The following RNF111 variants were observed in gnomAD, a reference collection of about 807,000 sequenced individuals.
The protein encoded by RNF111 is E3 ubiquitin-protein ligase Arkadia.
Under a neutral mutation model 95.1 loss-of-function variants are expected in RNF111, and 17 were observed. That is an observed-to-expected ratio of 0.18 (90% CI 0.12 to 0.27). The LOEUF is 0.27. RNF111 is among the 10% of genes least tolerant of loss of function. The probability of loss-of-function intolerance (pLI) is 1.00; values close to 1 mark genes in which losing one functional copy is unlikely to be tolerated. For missense variants in RNF111, 1,189 were observed against 1,210.4 expected (o/e 0.98, Z 0.26); for synonymous variants, 440 against 414.8 (o/e 1.06, Z -0.74).
intron 6 of RNF111, among the ~76,000 whole-genome samples, chr15:59,072,892 AAC>A (rs2043002165): frequency 6.6e-6 from 1 of 151,626 alleles, no homozygotes; most frequent in Non-Finnish European, 1.5e-5. Context: ...AAAAAAAAAA[AAC>A]AAAACACTTC....
chr15:59,026,459 A>T (rs931878692), intron 1 of RNF111, among the ~76,000 whole-genome samples: 1 of 152,228 alleles, frequency 6.6e-6, no homozygotes, highest in Non-Finnish European at 1.5e-5. Context: ...GTATTGAAAC[A>T]GTGTGTAACA....
Position 59,096,348 on chromosome 15 carries a change from A to G in RNF111, c.*1448A>G, listed in dbSNP as rs1357667134. On this transcript the variant is annotated 3_prime_UTR_variant, in exon 14 of 14. Coordinates refer to ENST00000348370, the MANE Select transcript of RNF111 (RefSeq NM_017610.8). ...TGTGGAGGACATGTTCCCATGGATC[A>G]TATGTGAAGATGTCAATAAGCTTGC... 2 of 328,592 alleles carry G rather than the reference A, an allele frequency of 6.1e-6. No homozygotes were observed. The highest frequency in any genetic ancestry group is 1.1e-5 in the Non-Finnish European group (2 of 182,662). The allele number at this position is 328,592 out of a possible 1,614,324, so 20.4% of individuals were successfully genotyped here. A position where few individuals can be genotyped will look rare whatever the true frequency, so the allele number is the denominator to read the frequency against.
chr15:59,015,718 C>T (rs1352802707), intron 1 of RNF111, among the ~76,000 whole-genome samples: 3 of 151,606 alleles, frequency 2.0e-5, no homozygotes, highest in Non-Finnish European at 2.9e-5. Context: ...GAATATTCTT[C>T]GCCCACCGTC....
intron 1 of RNF111, among the ~76,000 whole-genome samples, chr15:59,010,511 C>G (rs902466667): frequency 1.3e-5 from 2 of 152,094 alleles, no homozygotes; most frequent in Non-Finnish European, 2.9e-5. Context: ...AAGCGATTCT[C>G]CTGCCTCAGC....
chr15:58,989,231 G>T (rs1439520187), intron 1 of RNF111, among the ~76,000 whole-genome samples: 1 of 152,124 alleles, frequency 6.6e-6, no homozygotes, highest in Non-Finnish European at 1.5e-5. Context: ...TTTCACCCTA[G>T]TCTGGTTATA....
rs1475193227 is a variant in RNF111 at position 59,076,118 on chromosome 15, A to G, written c.1851A>G (p.Ser617=). The G allele has an allele frequency of 6.2e-7, 1 of 1,614,142 alleles. No homozygotes were observed. The highest frequency in any genetic ancestry group is 1.1e-5 in the South Asian group (1 of 91,082). ...CTGCCCCAAGTCAACCTTTATCATC[A>G]ATAGATGGCTATGGATCAAGCATGG... ...AAAAPSQPLS[S]IDGYGSSMVA... is the part of the protein sequence containing the mutation. The change falls in exon 7 of 14, where the codon TCA becomes TCG. Residue 617 remains serine (S), a synonymous_variant. Transcript: ENST00000348370.
chr15:59,034,492 G>A (rs763386018), intron 2 of RNF111, among the ~76,000 whole-genome samples: 18 of 152,148 alleles, frequency 1.2e-4, no homozygotes, highest in Admixed American at 4.6e-4. Context: ...TATTCTCATT[G>A]AATCCTTCCA....
chr15:59,081,866 A>G (rs2140176290), intron 8 of RNF111, among the ~76,000 whole-genome samples: 1 of 152,282 alleles, frequency 6.6e-6, no homozygotes, highest in African/African-American at 2.4e-5. Flanking sequence ...GTCTCCACCA[A>G]AAAAAGGAAG....
chr15:59,001,057 C>T (rs2039303703), intron 1 of RNF111, among the ~76,000 whole-genome samples: 1 of 152,020 alleles, frequency 6.6e-6, no homozygotes, highest in Admixed American at 6.6e-5. Context: ...GTGAGGTGGT[C>T]AGGGAAGGTA....
At chr15:59,035,019 T>C (rs2041104458) in intron 2 of RNF111, among the ~76,000 whole-genome samples, 1 of 152,146 alleles carries the variant, frequency 6.6e-6, no homozygotes, top group African/African-American at 2.4e-5. Flanking sequence ...TGGGGAGGCC[T>C]CACAATTATG....
At chr15:58,999,674 T>G (rs2039239582) in intron 1 of RNF111, among the ~76,000 whole-genome samples, 1 of 152,180 alleles carries the variant, frequency 6.6e-6, no homozygotes, top group Admixed American at 6.5e-5. Context: ...TTAAAGCATT[T>G]ATGAGTTTTA....
At chr15:59,046,921 A>T (rs1236183773) in intron 2 of RNF111, among the ~76,000 whole-genome samples, 2 of 152,086 alleles carry the variant, frequency 1.3e-5, no homozygotes, top group Non-Finnish European at 2.9e-5. Context: ...AGGCTGGAGT[A>T]CAATGGCACA....
intron 1 of RNF111, among the ~76,000 whole-genome samples, chr15:59,013,185 A>T (rs1483444660): frequency 1.3e-5 from 2 of 152,166 alleles, no homozygotes; most frequent in African/African-American, 2.4e-5. Flanking sequence ...CCTTGTTTTT[A>T]AAAAAATGAA....
chr15:59,072,420 A>C (rs2042971263), intron 6 of RNF111, among the ~76,000 whole-genome samples: 1 of 143,658 alleles, frequency 7.0e-6, no homozygotes, highest in Admixed American at 6.9e-5. Flanking sequence ...AGTTGATGTG[A>C]TATTCTAAAT....
In RNF111 at chr15:59,072,654, G is replaced by A. The variant is rs565979498; in HGVS notation, c.1687-3300G>A. 9.2e-5 allele frequency among the ~76,000 whole-genome samples: 14 copies of A among 151,352 alleles called. No individual in the cohort carries two copies. In the East Asian group the frequency reaches 1.2e-3, roughly 13 times the overall value. Reference sequence around the variant, plus strand: ...TTTTTAGTAGAGACGGGGTTTCACCGTGATAGCCACGTTGGTCTCAATCTC... The same window carrying A: ...TTTTTAGTAGAGACGGGGTTTCACCATGATAGCCACGTTGGTCTCAATCTC... On this transcript the variant is annotated intron_variant, in intron 6 of 13. Coordinates refer to ENST00000348370, the MANE Select transcript of RNF111 (RefSeq NM_017610.8).
intron 1 of RNF111, among the ~76,000 whole-genome samples, chr15:58,990,507 G>A (rs983880233): frequency 6.6e-5 from 10 of 152,228 alleles, no homozygotes; most frequent in South Asian, 2.1e-4. Context: ...AAAATTAGCC[G>A]AGCTTAGTGG....
intron 1 of RNF111, among the ~76,000 whole-genome samples, chr15:59,025,105 T>C (rs2040535711): frequency 6.6e-6 from 1 of 152,252 alleles, no homozygotes; most frequent in Non-Finnish European, 1.5e-5. Flanking sequence ...TTTTGGTTTT[T>C]GCAAATAATG....
chr15:58,993,277 G>A (rs560122794), intron 1 of RNF111, among the ~76,000 whole-genome samples: 1 of 152,296 alleles, frequency 6.6e-6, no homozygotes, highest in East Asian at 1.9e-4. Flanking sequence ...GGGAGGCCAA[G>A]GCGAGTGGAT....
In RNF111 at chr15:59,095,100, T is replaced by C. The variant is rs2079155646; in HGVS notation, c.*200T>C. ...TGATGTATTTATAAAAGCTTTTTTT[T>C]CTAGATTTGACATTTTTCTGTATCA... On this transcript the variant is annotated 3_prime_UTR_variant, in exon 14 of 14. Coordinates refer to ENST00000348370, the MANE Select transcript of RNF111 (RefSeq NM_017610.8). 4.1e-6 allele frequency: 2 copies of C among 489,096 alleles called. No homozygotes were observed. Among genetic ancestry groups the C allele is most frequent in the Non-Finnish European group, 7.2e-6 (2 of 277,356 alleles). 30.3% of individuals were successfully genotyped at this position (489,096 alleles called of 1,614,324 possible).
Sources: allele counts gnomAD v4.1 joint callset (sites outside exome capture counted in the v4.1 genomes callset), GRCh38; gene constraint gnomAD v4.1.1; transcripts MANE v1.5; gene names NCBI Gene and HGNC (gene_info 2026-07-23, HGNC 2026-07-21).